CUL4A: variants seen among roughly 807,000 people sequenced by gnomAD.
CUL4A encodes cullin-4A.
In CUL4A, 16 loss-of-function variants were observed where a neutral mutation model predicts 95.5. The ratio of observed to expected loss-of-function variants is 0.17; its 90% CI spans 0.11 to 0.25. The LOEUF is 0.25. CUL4A is among the 10% of genes least tolerant of loss of function. CUL4A has a pLI of 1.00. For synonymous variants in CUL4A, 380 were observed against 353.1 expected (o/e 1.08, Z -0.85); for missense variants, 610 against 937.0 (o/e 0.65, Z 4.56).
At chr13:113,228,964 CA>C (rs757684769) in intron 4 of CUL4A, among the ~76,000 whole-genome samples, 437 of 133,752 alleles carry the variant, frequency 3.3e-3, no homozygotes, top group Middle Eastern at 3.9e-3. Context: ...ACTGAAAATA[CA>C]AAAAAAAAAA....
In CUL4A at chr13:113,263,939, T is replaced by C. The variant is rs1283259365; in HGVS notation, c.*357T>C. On this transcript the variant is annotated 3_prime_UTR_variant, in exon 20 of 20. Coordinates refer to ENST00000375440, the MANE Select transcript of CUL4A (RefSeq NM_001008895.4). ...GTTTGTTCTCGTGTGTGATCATGAG[T>C]GCACAATGAAGAAGACCCTAGATGC... The C allele has an allele frequency of 1.2e-5, 2 of 172,514 alleles. No individual in the cohort carries two copies. The highest frequency in any genetic ancestry group is 6.3e-5 in the Admixed American group (1 of 15,814). The allele number at this position is 172,514 out of a possible 1,614,324, so 10.7% of individuals were successfully genotyped here.
At chr13:113,208,561 C>G, upstream of CUL4A, 1 of 1,601,786 alleles carries the variant, frequency 6.2e-7, no homozygotes. Flanking sequence ...ACGCCGAGGG[C>G]CAACCACGCC....
rs1282661720 is a variant in CUL4A at position 113,266,270 on chromosome 13, C to G, written c.*2688C>G. The G allele has an allele frequency of 6.6e-6, 1 of 152,174 alleles. No individual in the cohort carries two copies. The highest frequency in any genetic ancestry group is 1.5e-5 in the Non-Finnish European group (1 of 68,038). The allele number at this position is 152,174 out of a possible 1,614,324, so 9.4% of individuals were successfully genotyped here. ...CTGGCCTCAAGCGAACCTCCTACCTCAGCCTCCCCAAATGCTGGGATTACA... is the reference window on the plus strand; with the variant it reads ...CTGGCCTCAAGCGAACCTCCTACCTGAGCCTCCCCAAATGCTGGGATTACA... On this transcript the variant is annotated 3_prime_UTR_variant, in exon 20 of 20. Transcript: ENST00000375440.
chr13:113,234,008 G>A (rs771833105), intron 7 of CUL4A, 22 bp downstream of exon 7: 19 of 1,504,516 alleles, frequency 1.3e-5, no homozygotes, highest in African/African-American at 6.9e-5. Context: ...GGATGTTTCC[G>A]AATCCCCTGG....
At chr13:113,219,177 TGA>T in intron 3 of CUL4A, 129 bp downstream of exon 3, 2 of 549,368 alleles carry the variant, frequency 3.6e-6, no homozygotes, top group South Asian at 6.9e-5. Context: ...CTCTTTTATT[TGA>T]TAGGTTTGTA....
Position 113,265,708 on chromosome 13 carries a change from A to G in CUL4A, c.*2126A>G, listed in dbSNP as rs1188182278. On this transcript the variant is annotated 3_prime_UTR_variant, in exon 20 of 20. Transcript: ENST00000375440. The stretch of plus-strand genomic sequence containing the variant: ...GGCCTGCCTGTTTCTGTTTTATAAA[A>G]GAAAGGAAAATCTATTTATATCTAT... The G allele has an allele frequency of 6.6e-6, 1 of 152,252 alleles. No individual in the cohort carries two copies. Among genetic ancestry groups the G allele is most frequent in the Non-Finnish European group, 1.5e-5 (1 of 68,050 alleles). The allele number at this position is 152,252 out of a possible 1,614,324, so 9.4% of individuals were successfully genotyped here.
upstream of CUL4A, chr13:113,208,816 G>T (rs1342117642): frequency 5.7e-6 from 8 of 1,410,472 alleles, no homozygotes; most frequent in Non-Finnish European, 7.4e-6. Flanking sequence ...GGGGGCCCGG[G>T]GTCTTTCTGC....
At chr13:113,247,167 C>T (rs551301499) in intron 15 of CUL4A, among the ~76,000 whole-genome samples, 1 of 152,012 alleles carries the variant, frequency 6.6e-6, no homozygotes, top group Non-Finnish European at 1.5e-5. Context: ...ACAGGGAGGG[C>T]GCCAGGCCAT....
upstream of CUL4A, among the ~76,000 whole-genome samples, chr13:113,209,155 C>G (rs1443677949): frequency 2.7e-5 from 4 of 148,250 alleles, no homozygotes; most frequent in Non-Finnish European, 3.0e-5. Flanking sequence ...CCTGAGCCCT[C>G]GAGGTGGTCT....
chr13:113,248,128 G>A (rs1447073026), intron 15 of CUL4A, among the ~76,000 whole-genome samples: 1 of 151,666 alleles, frequency 6.6e-6, no homozygotes, highest in Non-Finnish European at 1.5e-5. Flanking sequence ...TTTTCCTTTT[G>A]TAATCACTAA....
At chr13:113,223,954 C>T (rs1566330977) in intron 3 of CUL4A, among the ~76,000 whole-genome samples, 1 of 152,216 alleles carries the variant, frequency 6.6e-6, no homozygotes, top group Non-Finnish European at 1.5e-5. Flanking sequence ...TACCCTTGCA[C>T]TCATACACAT....
At chr13:113,208,913 C>T, upstream of CUL4A, 1 of 1,368,946 alleles carries the variant, frequency 7.3e-7, no homozygotes, top group Non-Finnish European at 9.4e-7. Context: ...GGTCCAGTGG[C>T]GAGGACAGCC....
upstream of CUL4A, chr13:113,208,295 C>G (rs1399203736): frequency 1.3e-5 from 19 of 1,431,766 alleles, no homozygotes; most frequent in Non-Finnish European, 1.7e-5. Context: ...CCTGGGAGCG[C>G]GGCCACACGT....
chr13:113,249,185 C>T (rs1334196727), intron 15 of CUL4A, among the ~76,000 whole-genome samples: 3 of 152,206 alleles, frequency 2.0e-5, no homozygotes, highest in Non-Finnish European at 4.4e-5. Flanking sequence ...TTTCACTTAG[C>T]GTGCTGTTTT....
rs114477957 is a variant in CUL4A, at chr13:113,233,634, G to A, written c.676-263G>A. On this transcript the variant is annotated intron_variant, in intron 6 of 19. Transcript: ENST00000375440. ...CAGAGACAAAGCCAGATGACACGCT[G>A]GGGGAAAATATTAGCAACACACACA... 6.4e-3 allele frequency among the ~76,000 whole-genome samples: 976 copies of A among 152,296 alleles called. 7 individuals are homozygous for A. Among genetic ancestry groups the A allele is most frequent in the African/African-American group, 0.023 (946 of 41,552 alleles).
intron 15 of CUL4A, 92 bp from the exon 16 acceptor site, chr13:113,252,990 C>G: frequency 1.7e-6 from 1 of 584,038 alleles, no homozygotes; most frequent in Non-Finnish European, 3.1e-6. Context: ...TTAATTCAGC[C>G]GTGAGAAATT....
At position 113,228,051 on chromosome 13, in the gene CUL4A, C is replaced by T. The variant is rs1384296385; in HGVS notation, c.438+6C>T. On this transcript the variant is annotated splice_donor_region_variant and intron_variant, in intron 4 of 19. Coordinates refer to ENST00000375440, the MANE Select transcript of CUL4A (RefSeq NM_001008895.4). ...AGGACCACTGCAGACAAATGGTAAG[C>T]TTGTTCACTTTTTCATCAAAACACG... 1.2e-6 allele frequency: 2 copies of T among 1,609,422 alleles called. No individual in the cohort carries two copies. The highest frequency in any genetic ancestry group is 1.7e-6 in the Non-Finnish European group (2 of 1,176,014).
intron 2 of CUL4A, among the ~76,000 whole-genome samples, chr13:113,211,047 G>A (rs2040417983): frequency 6.6e-6 from 1 of 152,170 alleles, no homozygotes; most frequent in Non-Finnish European, 1.5e-5. Flanking sequence ...CGGCACCACG[G>A]TCAAGATGGA....
chr13:113,214,307 A>G (rs1303094106), intron 2 of CUL4A, among the ~76,000 whole-genome samples: 1 of 152,142 alleles, frequency 6.6e-6, no homozygotes, highest in Non-Finnish European at 1.5e-5. Flanking sequence ...TTTCCATTGA[A>G]CGACCTGAAT....
Sources: gnomAD v4.1 joint callset for allele counts (sites outside exome capture counted in the v4.1 genomes callset) on GRCh38, gnomAD v4.1.1 for gene constraint, MANE v1.5 for transcripts, NCBI Gene and HGNC (gene_info 2026-07-23, HGNC 2026-07-21) for gene names.